The following TRABD2A variants were observed in gnomAD, a reference collection of about 807,000 sequenced individuals.
TRABD2A encodes metalloprotease TIKI1.
A neutral mutation model predicts 45.6 loss-of-function variants in TRABD2A; 43 were observed. The ratio of observed to expected loss-of-function variants is 0.94; its 90% confidence interval spans 0.74 to 1.22. The LOEUF is 1.22. Ranked by LOEUF, TRABD2A falls within the 50% of genes most tolerant of loss-of-function variation. The pLI is 0.00. For missense variants in TRABD2A, 642 were observed against 652.4 expected, an observed-to-expected ratio of 0.98 and a Z score of 0.17; for synonymous variants, 269 against 265.0, an observed-to-expected ratio of 1.02 and a Z score of -0.15.
intron 1 of TRABD2A, among the ~76,000 whole-genome samples, chr2:84,878,671 T>C (rs1263883612): frequency 1.3e-5 from 2 of 152,162 alleles, no homozygotes; most frequent in Admixed American, 1.3e-4. Context: ...ACCTCTCTAA[T>C]GATTAACCAA....
chr2:84,848,700 C>G (rs887746962), intron 2 of TRABD2A, among the ~76,000 whole-genome samples: 5 of 151,706 alleles, frequency 3.3e-5, no homozygotes, highest in Non-Finnish European at 7.4e-5. Context: ...CTCAGCCACC[C>G]GAGTAGCTGG....
chr2:84,857,675 C>G (rs1682359908), intron 2 of TRABD2A, among the ~76,000 whole-genome samples: 1 of 152,124 alleles, frequency 6.6e-6, no homozygotes, highest in South Asian at 2.1e-4. Context: ...TGAAGCAACT[C>G]AATAAGTCAA....
chr2:84,838,588 A>G (rs1206453359), intron 4 of TRABD2A, among the ~76,000 whole-genome samples: 1 of 152,232 alleles, frequency 6.6e-6, no homozygotes. Context: ...CTTTCTGCAT[A>G]CTGTCCAGCC....
intron 2 of TRABD2A, among the ~76,000 whole-genome samples, chr2:84,850,330 CAAT>C (rs1292654114): frequency 1.3e-5 from 2 of 152,098 alleles, no homozygotes; most frequent in Non-Finnish European, 2.9e-5. Flanking sequence ...ATAATCATCA[CAAT>C]AATAATAATA....
intron 5 of TRABD2A, among the ~76,000 whole-genome samples, chr2:84,831,289 G>T (rs542179771): frequency 6.6e-6 from 1 of 152,160 alleles, no homozygotes; most frequent in Admixed American, 6.5e-5. Context: ...TTGACACCTT[G>T]ATCTGGGACT....
chr2:84,827,320 C>A (rs1681178967), intron 5 of TRABD2A, among the ~76,000 whole-genome samples: 1 of 152,190 alleles, frequency 6.6e-6, no homozygotes, highest in Non-Finnish European at 1.5e-5. Context: ...AAGGAAAAGA[C>A]CCCAGGCTTG....
At chr2:84,871,444 A>G (rs1184525849) in intron 1 of TRABD2A, among the ~76,000 whole-genome samples, 1 of 152,036 alleles carries the variant, frequency 6.6e-6, no homozygotes, top group Non-Finnish European at 1.5e-5. Context: ...ACCCCAGACC[A>G]ATCACATCAG....
chr2:84,846,838 G>T (rs1681913863), intron 2 of TRABD2A, among the ~76,000 whole-genome samples: 1 of 152,190 alleles, frequency 6.6e-6, no homozygotes, highest in Non-Finnish European at 1.5e-5. Context: ...GTCCTTACAG[G>T]GTTTCCTTGG....
At chr2:84,835,681 T>G (rs1681482971) in intron 4 of TRABD2A, among the ~76,000 whole-genome samples, 1 of 152,186 alleles carries the variant, frequency 6.6e-6, no homozygotes. Flanking sequence ...CCTCCCAAGG[T>G]GCTGGGATTA....
intron 2 of TRABD2A, among the ~76,000 whole-genome samples, chr2:84,853,004 C>G (rs1682149521): frequency 6.6e-6 from 1 of 151,932 alleles, no homozygotes; most frequent in Non-Finnish European, 1.5e-5. Context: ...ATTTTTCCCC[C>G]CACCCAAAAG....
At chr2:84,840,895 C>T (rs944695168) in intron 3 of TRABD2A, among the ~76,000 whole-genome samples, 4 of 152,158 alleles carry the variant, frequency 2.6e-5, no homozygotes, top group Non-Finnish European at 4.4e-5. Context: ...TGAAATGTCA[C>T]CTTTCTGGGC....
chr2:84,868,524 G>GTTAACTAGTTAATTAGTTAA (rs1682763738), intron 2 of TRABD2A, among the ~76,000 whole-genome samples: 1 of 151,690 alleles, frequency 6.6e-6, no homozygotes, highest in Non-Finnish European at 1.5e-5. Context: ...TAGTTAATTA[G>GTTAACTAGTTAATTAGTTAA]TTAACTAGTT....
chr2:84,842,726 CAAAAA>C, intron 2 of TRABD2A, among the ~76,000 whole-genome samples: 1 of 101,414 alleles, frequency 9.9e-6, no homozygotes, highest in East Asian at 3.2e-4. Flanking sequence ...GACTCTGTCT[CAAAAA>C]AAAAAAAAAG....
chr2:84,866,715 T>C (rs1433451739), intron 2 of TRABD2A, among the ~76,000 whole-genome samples: 1 of 149,710 alleles, frequency 6.7e-6, no homozygotes, highest in African/African-American at 2.5e-5. Flanking sequence ...GACAACAGGA[T>C]GGTAGGGCAA....
chr2:84,841,744 T>G, intron 3 of TRABD2A, 117 bp downstream of exon 3: 1 of 1,158,532 alleles, frequency 8.6e-7, no homozygotes, highest in Non-Finnish European at 1.1e-6. Flanking sequence ...GCCCACTTTA[T>G]TTCTAGAGCC....
At chr2:84,861,607 CT>C (rs1682502750) in intron 2 of TRABD2A, among the ~76,000 whole-genome samples, 1 of 152,186 alleles carries the variant, frequency 6.6e-6, no homozygotes. Context: ...TTGGGGACCC[CT>C]GCTCTACAGC....
intron 2 of TRABD2A, among the ~76,000 whole-genome samples, chr2:84,854,163 G>C (rs554870152): frequency 9.2e-5 from 14 of 151,942 alleles, no homozygotes; most frequent in African/African-American, 2.9e-4. Context: ...ATTATGTATT[G>C]TAAGTAACGC....
At chr2:84,834,587 A>C (rs1158448024) in intron 4 of TRABD2A, 3 of 152,396 alleles carry the variant, frequency 2.0e-5, no homozygotes, top group Non-Finnish European at 4.4e-5. Context: ...CTAATCTATG[A>C]ATACTTTCTG....
intron 1 of TRABD2A, among the ~76,000 whole-genome samples, chr2:84,878,372 A>G (rs1181773598): frequency 6.6e-6 from 1 of 152,094 alleles, no homozygotes; most frequent in African/African-American, 2.4e-5. Context: ...TAAAAATACA[A>G]AAATTAGCCG....
Sources: gnomAD v4.1 joint callset for allele counts (sites outside exome capture counted in the v4.1 genomes callset) on GRCh38, gnomAD v4.1.1 for gene constraint, MANE v1.5 for transcripts, NCBI Gene and HGNC (gene_info 2026-07-23, HGNC 2026-07-21) for gene names.